The following MLIP variants were observed in gnomAD, a reference collection of about 807,000 sequenced individuals.
MLIP encodes the protein muscular LMNA-interacting protein.
A neutral mutation model predicts 84.8 loss-of-function variants in MLIP; 79 were observed. The observed-to-expected ratio is 0.93, with a 90% CI of 0.78 to 1.12. The LOEUF (loss-of-function observed/expected upper bound fraction) is 1.12, where lower values mean the gene tolerates loss of function less well. Among genes scored for constraint, MLIP ranks in the 50% most tolerant of loss-of-function variants. MLIP has a pLI of 0.00. For synonymous variants in MLIP, 504 were observed against 463.0 expected, an observed-to-expected ratio of 1.09 and a Z score of -1.14; for missense variants, 1,257 against 1,160.6, an observed-to-expected ratio of 1.08 and a Z score of -1.21.
intron 5 of MLIP, among the ~76,000 whole-genome samples, chr6:54,155,420 G>T (rs1417151931): frequency 6.6e-6 from 1 of 152,052 alleles, no homozygotes; most frequent in African/African-American, 2.4e-5. Context: ...AATTTTGGGG[G>T]ATTGATTTGA....
intron 1 of MLIP, among the ~76,000 whole-genome samples, chr6:54,088,241 C>A (rs970277171): frequency 1.3e-5 from 2 of 152,158 alleles, no homozygotes; most frequent in Admixed American, 6.6e-5. Context: ...TGTCAAAAGT[C>A]AGATGCTGGA....
intron 11 of MLIP, among the ~76,000 whole-genome samples, chr6:54,207,138 G>GT (rs530849943): frequency 2.2e-3 from 321 of 142,728 alleles, no homozygotes; most frequent in Admixed American, 3.9e-3. Flanking sequence ...GTTTTGCCAT[G>GT]TTTTTTTTTT....
chr6:54,193,788 A>G (rs938588609), intron 10 of MLIP, among the ~76,000 whole-genome samples: 3 of 152,114 alleles, frequency 2.0e-5, no homozygotes, highest in Non-Finnish European at 4.4e-5. Context: ...GAGGAAAGGA[A>G]AGATCTAGGG....
At chr6:54,117,922 G>A (rs1031807796) in intron 1 of MLIP, among the ~76,000 whole-genome samples, 4 of 151,966 alleles carry the variant, frequency 2.6e-5, no homozygotes, top group Admixed American at 1.3e-4. Context: ...TCTAACCTGG[G>A]TGACAGAATG....
intron 12 of MLIP, among the ~76,000 whole-genome samples, chr6:54,243,617 T>G (rs1401650883): frequency 6.6e-6 from 1 of 152,198 alleles, no homozygotes; most frequent in Non-Finnish European, 1.5e-5. Context: ...ATGAAGAAAC[T>G]GAGGCTCAGA....
intron 11 of MLIP, among the ~76,000 whole-genome samples, chr6:54,226,798 G>A (rs1480120466): frequency 6.6e-6 from 1 of 151,996 alleles, no homozygotes; most frequent in Non-Finnish European, 1.5e-5. Flanking sequence ...AAAATAAAAG[G>A]GCCTCTTGGA....
intron 12 of MLIP, among the ~76,000 whole-genome samples, chr6:54,248,654 A>G (rs993342086): frequency 3.9e-5 from 6 of 152,184 alleles, no homozygotes; most frequent in Non-Finnish European, 7.3e-5. Context: ...AAATTCTAAC[A>G]TGCCTTAAGT....
At chr6:54,117,838 C>T (rs1057133300) in intron 1 of MLIP, among the ~76,000 whole-genome samples, 5 of 151,862 alleles carry the variant, frequency 3.3e-5, no homozygotes, top group Admixed American at 2.6e-4. Context: ...CCCAGCTACT[C>T]GGAAGGCTGA....
In MLIP at chr6:54,111,948, G is replaced by T. The variant is rs189589156; in HGVS notation, c.96+373G>T. 1.5e-4 allele frequency among the ~76,000 whole-genome samples: 23 copies of T among 152,326 alleles called. No individual in the cohort carries two copies. In the South Asian group the frequency reaches 4.6e-3, roughly 30 times the overall value. ...CTGAGCAAAGGAGCTGTTAGCCTGC[G>T]TGGCATGCGGGAAAACAGTTTCTCA... On this transcript the variant is annotated intron_variant, in intron 1 of 13. Transcript: ENST00000502396.
chr6:54,048,205 A>AT (rs773247001), intron 1 of MLIP, among the ~76,000 whole-genome samples: 24 of 152,164 alleles, frequency 1.6e-4, no homozygotes, highest in South Asian at 1.0e-3. Context: ...AATAAAAGCC[A>AT]TTTTTGCTGA....
intron 1 of MLIP, among the ~76,000 whole-genome samples, chr6:54,022,315 C>G (rs1022931): frequency 0.56 from 84,636 of 152,050 alleles, 25,630 homozygotes; most frequent in Non-Finnish European, 0.69. Context: ...TCGCCTATCA[C>G]TGTAATATAT....
chr6:54,157,988 A>T (rs1204955440), intron 5 of MLIP, among the ~76,000 whole-genome samples: 2 of 152,144 alleles, frequency 1.3e-5, no homozygotes, highest in East Asian at 1.9e-4. Context: ...ATTTACCCTT[A>T]TGAGCTATTA....
intron 1 of MLIP, among the ~76,000 whole-genome samples, chr6:54,081,622 G>A (rs1057248700): frequency 6.6e-6 from 1 of 151,838 alleles, no homozygotes; most frequent in Non-Finnish European, 1.5e-5. Flanking sequence ...CATGTTGGCC[G>A]GGCTGGTCTT....
intron 5 of MLIP, among the ~76,000 whole-genome samples, chr6:54,154,890 A>C (rs1404699089): frequency 6.6e-6 from 1 of 152,060 alleles, no homozygotes; most frequent in Non-Finnish European, 1.5e-5. Context: ...ACAGTGAAGG[A>C]GGTGCTTCTG....
intron 1 of MLIP, among the ~76,000 whole-genome samples, chr6:54,095,454 T>C (rs35694260): frequency 0.15 from 23,486 of 152,070 alleles, 1,771 homozygotes; most frequent in Middle Eastern, 0.19. Context: ...GTGCTTTTTT[T>C]CCCCACTGTT....
Position 54,095,223 on chromosome 6 carries a change from G to T in MLIP, c.64-26224G>T, listed in dbSNP as rs184368307. ...CTTGCAGCAGGCAGCCACACAAAGC[G>T]AACTCACCTTGTGATTAGTTCATCT... is the stretch of plus-strand genomic sequence containing the variant. On this transcript the variant is annotated intron_variant, in intron 1 of 12. Transcript: ENST00000274897. Among the ~76,000 whole-genome samples the T allele has an allele frequency of 5.3e-5, 8 of 152,182 alleles. No individual in the cohort carries two copies. In the East Asian group the frequency reaches 1.2e-3, roughly 22 times the overall value.
At chr6:54,196,228 C>T (rs896152452) in intron 10 of MLIP, among the ~76,000 whole-genome samples, 4 of 152,054 alleles carry the variant, frequency 2.6e-5, no homozygotes, top group Admixed American at 6.6e-5. Flanking sequence ...ATGTGCATGA[C>T]GTGCAGGTTT....
At chr6:54,211,542 C>G (rs1440867773) in intron 11 of MLIP, among the ~76,000 whole-genome samples, 5 of 152,162 alleles carry the variant, frequency 3.3e-5, no homozygotes, top group African/African-American at 1.2e-4. Flanking sequence ...TTTACAGAAA[C>G]AGTTTTGAAG....
At chr6:54,199,445 A>T (rs1438223284) in intron 10 of MLIP, among the ~76,000 whole-genome samples, 2 of 152,138 alleles carry the variant, frequency 1.3e-5, no homozygotes, top group Non-Finnish European at 2.9e-5. Flanking sequence ...AGAATATAGA[A>T]TCTGTGTCTA....
Sources: allele counts gnomAD v4.1 joint callset (sites outside exome capture counted in the v4.1 genomes callset), GRCh38; gene constraint gnomAD v4.1.1; transcripts MANE v1.5; gene names NCBI Gene and HGNC (gene_info 2026-07-23, HGNC 2026-07-21).